The following FTCDNL1 variants were observed in gnomAD, a reference collection of about 807,000 sequenced individuals.
FTCDNL1 encodes formiminotransferase N-terminal subdomain-containing protein.
In FTCDNL1, 11 loss-of-function variants were observed where a neutral mutation model predicts 5.9. That is an observed-to-expected ratio of 1.87 (90% CI 1.18 to 3.10). The LOEUF is 3.10. FTCDNL1 is among the 30% of genes most tolerant of loss of function. The probability of loss-of-function intolerance (pLI) is 0.00; values close to 1 mark genes in which losing one functional copy is unlikely to be tolerated. For synonymous variants in FTCDNL1, 58 were observed against 24.8 expected (o/e 2.34, Z -3.99); for missense variants, 115 against 65.5 (o/e 1.76, Z -2.61).
intron 3 of FTCDNL1, among the ~76,000 whole-genome samples, chr2:199,835,088 G>A (rs968879403): frequency 5.9e-5 from 9 of 152,138 alleles, no homozygotes; most frequent in African/African-American, 1.9e-4. Context: ...TGAAGCAGAA[G>A]AATCACTTGA....
At chr2:199,774,174 TC>T (rs1480732192) in intron 3 of FTCDNL1, among the ~76,000 whole-genome samples, 22 of 152,284 alleles carry the variant, frequency 1.4e-4, no homozygotes, top group African/African-American at 5.3e-4. Context: ...TCTCCAGTCT[TC>T]CAAGAGCCAT....
intron 4 of FTCDNL1, among the ~76,000 whole-genome samples, chr2:199,817,656 T>C (rs769988098): frequency 4.7e-5 from 7 of 150,372 alleles, no homozygotes; most frequent in Non-Finnish European, 7.4e-5. Context: ...GGTGGGGGAA[T>C]CACCTGAGCC....
chr2:199,760,504 A>G (rs995948440), downstream of FTCDNL1: 1 of 335,012 alleles, frequency 3.0e-6, no homozygotes, highest in African/African-American at 2.1e-5. Flanking sequence ...CTTGTATATA[A>G]GAGGGTGAGT....
intron 3 of FTCDNL1, among the ~76,000 whole-genome samples, chr2:199,841,373 G>A (rs1219030287): frequency 3.3e-5 from 5 of 151,962 alleles, no homozygotes; most frequent in African/African-American, 9.7e-5. Flanking sequence ...GTGACACAGC[G>A]AGACTCTGTC....
At chr2:199,715,795 A>T in the FTCDNL1 span, among the ~76,000 whole-genome samples, 3 of 151,610 alleles carry the variant, frequency 2.0e-5, no homozygotes, top group East Asian at 3.9e-4. Context: ...CAATGGGGCA[A>T]GAATAATGGA....
At chr2:199,707,041 T>C in the FTCDNL1 span, among the ~76,000 whole-genome samples, 1 of 152,242 alleles carries the variant, frequency 6.6e-6, no homozygotes. Context: ...TTTCATCTTA[T>C]GATGAACTAC....
the FTCDNL1 span, among the ~76,000 whole-genome samples, chr2:199,750,624 A>C: frequency 1.3e-5 from 2 of 152,208 alleles, no homozygotes; most frequent in African/African-American, 4.8e-5. Flanking sequence ...GAAAACACCA[A>C]GAAAATGCAA....
intron 3 of FTCDNL1, among the ~76,000 whole-genome samples, chr2:199,776,076 G>C (rs1275344290): frequency 6.6e-6 from 1 of 152,046 alleles, no homozygotes; most frequent in Non-Finnish European, 1.5e-5. Context: ...ACCACGCCTG[G>C]CTAATTTTTG....
At chr2:199,672,222 C>G in the FTCDNL1 span, among the ~76,000 whole-genome samples, 2 of 152,124 alleles carry the variant, frequency 1.3e-5, no homozygotes, top group African/African-American at 4.8e-5. Flanking sequence ...TTCTTGGTAG[C>G]TCTGAAAGGC....
chr2:199,725,384 C>T, the FTCDNL1 span, among the ~76,000 whole-genome samples: 1 of 152,170 alleles, frequency 6.6e-6, no homozygotes, highest in Non-Finnish European at 1.5e-5. Flanking sequence ...AGCTCATTTA[C>T]ATTGAAGGTT....
At chr2:199,833,525 C>T (rs1324187311) in intron 3 of FTCDNL1, among the ~76,000 whole-genome samples, 1 of 152,222 alleles carries the variant, frequency 6.6e-6, no homozygotes, top group African/African-American at 2.4e-5. Flanking sequence ...TGGGTCATGG[C>T]AAAGCCTTGG....
At chr2:199,805,917 T>C (rs1373932789), downstream of FTCDNL1, among the ~76,000 whole-genome samples, 5 of 150,588 alleles carry the variant, frequency 3.3e-5, no homozygotes, top group Non-Finnish European at 5.9e-5. Context: ...AGACCTTGTC[T>C]TGAAAAAAAA....
the FTCDNL1 span, among the ~76,000 whole-genome samples, chr2:199,749,296 G>C: frequency 6.6e-6 from 1 of 152,180 alleles, no homozygotes; most frequent in Admixed American, 6.5e-5. Context: ...GAATAGATGT[G>C]TGGGAATAAA....
At chr2:199,704,446 C>G in the FTCDNL1 span, among the ~76,000 whole-genome samples, 1 of 151,996 alleles carries the variant, frequency 6.6e-6, no homozygotes, top group Non-Finnish European at 1.5e-5. Flanking sequence ...AGAGGGAAGA[C>G]AAGCAAAGGC....
chr2:199,752,826 T>G, the FTCDNL1 span, among the ~76,000 whole-genome samples: 1 of 146,470 alleles, frequency 6.8e-6, no homozygotes, highest in Admixed American at 6.8e-5. Context: ...TGGAGATATA[T>G]AGATAGAGAG....
chr2:199,724,577 G>A, the FTCDNL1 span, among the ~76,000 whole-genome samples: 1 of 152,086 alleles, frequency 6.6e-6, no homozygotes, highest in African/African-American at 2.4e-5. Context: ...ATTCTGGTAT[G>A]TTGTCTCCTT....
rs531131130 is a variant in FTCDNL1 at position 199,819,453 on chromosome 2, A to G, written c.397+119T>C. ...AACAGCAGAAAGGAGAGCCTCACCC[A>G]TTTCAAGAAGCAGCCACCCCTATAA... On this transcript the variant is annotated intron_variant, in intron 4 of 4. Transcript: ENST00000420128. The G allele has an allele frequency of 1.4e-5, 9 of 625,658 alleles. No homozygotes were observed. The South Asian group carries it at 1.7e-4, about 12-fold the overall frequency. 38.8% of individuals were successfully genotyped at this position (625,658 alleles called of 1,614,324 possible).
At chr2:199,787,933 G>A (rs1219345813) in intron 3 of FTCDNL1, among the ~76,000 whole-genome samples, 2 of 152,116 alleles carry the variant, frequency 1.3e-5, no homozygotes, top group African/African-American at 4.8e-5. Flanking sequence ...TGTGGTGATG[G>A]TGTCATTAGC....
At chr2:199,789,667 ACTT>A (rs1176886862) in intron 3 of FTCDNL1, among the ~76,000 whole-genome samples, 1 of 152,114 alleles carries the variant, frequency 6.6e-6, no homozygotes, top group Non-Finnish European at 1.5e-5. Flanking sequence ...ATACAAAATT[ACTT>A]CTTTTCATTG....
Sources: gnomAD v4.1 joint callset for allele counts (sites outside exome capture counted in the v4.1 genomes callset) on GRCh38, gnomAD v4.1.1 for gene constraint, MANE v1.5 for transcripts, NCBI Gene and HGNC (gene_info 2026-07-23, HGNC 2026-07-21) for gene names.